The following IL1RAPL1 variants were observed in gnomAD, a reference collection of about 807,000 sequenced individuals.
The protein encoded by IL1RAPL1 is interleukin 1 receptor accessory protein like 1.
Under a neutral mutation model 48.4 loss-of-function variants are expected in IL1RAPL1, and 3 were observed. The ratio of observed to expected loss-of-function variants is 0.06; its 90% CI spans 0.03 to 0.16. IL1RAPL1 has a LOEUF of 0.16. Ranked by LOEUF, IL1RAPL1 falls within the 10% of genes least tolerant of loss-of-function variation. IL1RAPL1 has a pLI of 1.00. For synonymous variants in IL1RAPL1, 185 were observed against 187.7 expected (o/e 0.99, Z 0.12); for missense variants, 349 against 530.6 (o/e 0.66, Z 3.36).
intron 2 of IL1RAPL1, among the ~76,000 whole-genome samples, chrX:28,937,166 G>A (rs1179549748): frequency 9.0e-6 from 1 of 111,210 alleles, no homozygotes; most frequent in Non-Finnish European, 1.9e-5. Context: ...TTTACTCTCT[G>A]AAAACAATAA....
chrX:29,198,533 A>T (rs186591068), intron 2 of IL1RAPL1, among the ~76,000 whole-genome samples: 7 of 110,589 alleles, frequency 6.3e-5, no homozygotes, highest in Admixed American at 2.9e-4. Flanking sequence ...TGACCTCATG[A>T]TCCACCCACC....
intron 6 of IL1RAPL1, among the ~76,000 whole-genome samples, chrX:29,909,431 AAAAC>A (rs911076118): frequency 9.0e-5 from 10 of 110,941 alleles, no homozygotes; most frequent in African/African-American, 1.3e-4. Context: ...ACCCTATCTC[AAAAC>A]AAACAAACAA....
At chrX:29,815,302 G>C (rs755743199) in intron 6 of IL1RAPL1, among the ~76,000 whole-genome samples, 46 of 111,213 alleles carry the variant, frequency 4.1e-4, no homozygotes, top group Non-Finnish European at 6.4e-4. Context: ...TCATCCCCTT[G>C]GTTAGGTGTA....
chrX:29,486,290 T>C (rs1320991261), intron 5 of IL1RAPL1, among the ~76,000 whole-genome samples: 1 of 110,697 alleles, frequency 9.0e-6, no homozygotes, highest in African/African-American at 3.3e-5. Context: ...TTTGTGTTTG[T>C]TTGTTTTCCT....
intron 2 of IL1RAPL1, among the ~76,000 whole-genome samples, chrX:29,200,061 G>T (rs1464655299): frequency 3.6e-5 from 4 of 111,208 alleles, no homozygotes; most frequent in African/African-American, 1.3e-4. Context: ...ACTGATGGAA[G>T]TTTATAAGGC....
chrX:29,922,553 C>T (rs533518544), intron 8 of IL1RAPL1, among the ~76,000 whole-genome samples: 2 of 111,799 alleles, frequency 1.8e-5, no homozygotes, highest in African/African-American at 6.5e-5. Context: ...CAATTTCCTG[C>T]TCTTGAGGGA....
chrX:29,748,763 T>G (rs190874868), intron 6 of IL1RAPL1, among the ~76,000 whole-genome samples: 9 of 108,023 alleles, frequency 8.3e-5, no homozygotes, highest in African/African-American at 3.1e-4. Flanking sequence ...GATGACTTCA[T>G]CATTTAAAGA....
chrX:29,025,031 C>T lies in IL1RAPL1; in HGVS notation c.82+235606C>T, dbSNP rs756343043. 4.5e-5 allele frequency among the ~76,000 whole-genome samples: 5 copies of T among 111,612 alleles called. No individual in the cohort carries two copies. In the East Asian group the frequency reaches 1.1e-3, roughly 25 times the overall value. On this transcript the variant is annotated intron_variant, in intron 2 of 10. Coordinates refer to ENST00000378993, the MANE Select transcript of IL1RAPL1 (RefSeq NM_014271.4). ...TTCTGTTTCTATAGGTTTGCCTATACTGGATATTTCATATAAATGAAATTA... is the reference window on the plus strand; with the variant it reads ...TTCTGTTTCTATAGGTTTGCCTATATTGGATATTTCATATAAATGAAATTA...
chrX:29,661,222 G>A (rs777371073), intron 5 of IL1RAPL1, among the ~76,000 whole-genome samples: 1 of 112,330 alleles, frequency 8.9e-6, no homozygotes, highest in Non-Finnish European at 1.9e-5. Context: ...TTTTTTGGTG[G>A]AGTTTTTAGA....
chrX:29,771,066 C>T (rs937617737), intron 6 of IL1RAPL1, among the ~76,000 whole-genome samples: 1 of 112,049 alleles, frequency 8.9e-6, no homozygotes, highest in African/African-American at 3.2e-5. Context: ...AAAAATAATG[C>T]TGGCCTTGTA....
At chrX:28,734,967 A>G (rs1935803876) in intron 1 of IL1RAPL1, among the ~76,000 whole-genome samples, 1 of 112,023 alleles carries the variant, frequency 8.9e-6, no homozygotes, top group Non-Finnish European at 1.9e-5. Context: ...TTGCTAATAC[A>G]ACAGGCAAGC....
chrX:29,457,901 T>C (rs1230174195), intron 5 of IL1RAPL1, among the ~76,000 whole-genome samples: 4 of 112,201 alleles, frequency 3.6e-5, no homozygotes, highest in African/African-American at 1.3e-4. Context: ...CTTGTGTGGA[T>C]CATATCTTAT....
At chrX:28,971,824 A>G (rs935570926) in intron 2 of IL1RAPL1, among the ~76,000 whole-genome samples, 1 of 109,295 alleles carries the variant, frequency 9.1e-6, no homozygotes, top group African/African-American at 3.4e-5. Context: ...GGGGGAGGTC[A>G]TACACGGGGC....
chrX:29,283,191 C>G lies in IL1RAPL1; in HGVS notation c.336C>G (p.Asp112Glu). The G allele has an allele frequency of 8.3e-7, 1 of 1,211,460 alleles. No homozygotes were observed. Among genetic ancestry groups the G allele is most frequent in the East Asian group, 3.0e-5 (1 of 33,827 alleles). ...GGTTCCGGCCAACATTGCTACAGGA[C>G]AGTGGTCTCTACGCCTGTGTCATCA... is the stretch of plus-strand genomic sequence containing the variant. ...SIWFRPTLLQ[D>E]SGLYACVIRN... The change falls in exon 3 of 11, where the codon GAC becomes GAG. Residue 112 changes from aspartate (D) to glutamate (E), a missense_variant. Coordinates refer to ENST00000378993, the MANE Select transcript of IL1RAPL1 (RefSeq NM_014271.4).
At chrX:28,628,050 A>G (rs1934360042) in intron 1 of IL1RAPL1, among the ~76,000 whole-genome samples, 1 of 111,396 alleles carries the variant, frequency 9.0e-6, no homozygotes, top group Admixed American at 9.6e-5. Flanking sequence ...TCGCTGGAGC[A>G]TGTCCAAGTG....
intron 3 of IL1RAPL1, among the ~76,000 whole-genome samples, chrX:29,387,679 G>A (rs773340029): frequency 6.3e-5 from 7 of 111,889 alleles, no homozygotes; most frequent in Admixed American, 1.9e-4. Flanking sequence ...TCTGTTTGCC[G>A]TATATGCTAT....
At chrX:29,931,182 T>A (rs1932944985) in intron 8 of IL1RAPL1, among the ~76,000 whole-genome samples, 1 of 110,820 alleles carries the variant, frequency 9.0e-6, no homozygotes, top group Non-Finnish European at 1.9e-5. Context: ...ATTTTTTTTT[T>A]AAAGGTTAAC....
intron 2 of IL1RAPL1, among the ~76,000 whole-genome samples, chrX:28,947,911 G>A (rs1924351066): frequency 1.8e-5 from 2 of 111,591 alleles, no homozygotes; most frequent in Non-Finnish European, 3.8e-5. Flanking sequence ...ATAGGCTTTA[G>A]AAATGGAAAA....
chrX:29,668,299 C>T (rs1277545779), intron 5 of IL1RAPL1, 131 bp from the exon 6 acceptor site: 29 of 558,608 alleles, frequency 5.2e-5, no homozygotes, highest in South Asian at 3.3e-4. Context: ...GTATGTTCAT[C>T]GTTACTTGGT....
Sources: allele counts gnomAD v4.1 joint callset (sites outside exome capture counted in the v4.1 genomes callset), GRCh38; gene constraint gnomAD v4.1.1; transcripts MANE v1.5; gene names NCBI Gene and HGNC (gene_info 2026-07-23, HGNC 2026-07-21).